The following CXXC5 variants were observed in gnomAD, a reference collection of about 807,000 sequenced individuals.
The protein encoded by CXXC5 is CXXC-type zinc finger protein 5.
CXXC5 carries 2 observed loss-of-function variants against 17.6 expected under a neutral mutation model. That is an observed-to-expected ratio of 0.11 (90% confidence interval 0.05 to 0.36). The LOEUF (loss-of-function observed/expected upper bound fraction) is 0.36, where lower values mean the gene tolerates loss of function less well. CXXC5 is among the 10% of genes least tolerant of loss of function. The pLI, the probability that CXXC5 is intolerant of heterozygous loss-of-function variation, is 1.00. For missense variants in CXXC5, 343 were observed against 458.3 expected, an observed-to-expected ratio of 0.75 and a Z score of 2.30; for synonymous variants, 171 against 193.0, an observed-to-expected ratio of 0.89 and a Z score of 0.94.
chr5:139,651,636 G>A (rs989464755), intron 1 of CXXC5, among the ~76,000 whole-genome samples: 4 of 152,120 alleles, frequency 2.6e-5, no homozygotes, highest in Non-Finnish European at 4.4e-5. Context: ...CTTCAGGACT[G>A]ACTGCACCTT....
At chr5:139,676,566 A>G (rs1228624801) in intron 1 of CXXC5, among the ~76,000 whole-genome samples, 2 of 55,856 alleles carry the variant, frequency 3.6e-5, no homozygotes, top group African/African-American at 1.6e-4. Context: ...TCCTCCCCAG[A>G]CTCCTCCCCA....
chr5:139,650,539 G>A (rs1755111341), intron 1 of CXXC5, among the ~76,000 whole-genome samples: 1 of 152,246 alleles, frequency 6.6e-6, no homozygotes, highest in African/African-American at 2.4e-5. Context: ...GGGCCGCCTG[G>A]CGGGGGCTGC....
At chr5:139,680,043 G>A (rs1249625244) in intron 1 of CXXC5, 4 of 168,306 alleles carry the variant, frequency 2.4e-5, no homozygotes, top group Admixed American at 1.7e-4. Flanking sequence ...CCCTAGCAGA[G>A]CAGATTTGGG....
intron 2 of CXXC5, among the ~76,000 whole-genome samples, chr5:139,682,659 A>G (rs553813471): frequency 1.3e-5 from 2 of 152,314 alleles, no homozygotes; most frequent in South Asian, 2.1e-4. Context: ...AGGAGGCCTC[A>G]GAGTCCTCGG....
At position 139,683,602 on chromosome 5, in the gene CXXC5, C is replaced by T. The variant is rs148097210; in HGVS notation, c.*695C>T. On this transcript the variant is annotated 3_prime_UTR_variant, in exon 3 of 3. Transcript: ENST00000302517. ...TGGAAAAAAAAATGAAAGTTCTGTT[C>T]GTTTATCCATTGCGATCTGGGGAGC... 6 of 152,416 alleles carry T rather than the reference C, an allele frequency of 3.9e-5. No homozygotes were observed. The highest frequency in any genetic ancestry group is 4.1e-4 in the South Asian group (2 of 4,836). The allele number at this position is 152,416 out of a possible 1,614,324, so 9.4% of individuals were successfully genotyped here. A position where few individuals can be genotyped will look rare whatever the true frequency, so the allele number is the denominator to read the frequency against.
chr5:139,650,969 G>C (rs537436602), intron 1 of CXXC5: 2 of 152,354 alleles, frequency 1.3e-5, no homozygotes, highest in East Asian at 3.9e-4. Context: ...TTGGGGAGGA[G>C]GGAGAGGGGG....
At position 139,663,541 on chromosome 5, in the gene CXXC5, AG is replaced by A. The variant is rs1294382498; in HGVS notation, c.-161+14698del. 6.6e-6 allele frequency among the ~76,000 whole-genome samples: 1 copy of A among 152,170 alleles called. No individual in the cohort carries two copies. Among genetic ancestry groups the A allele is most frequent in the African/African-American group, 2.4e-5 (1 of 41,416 alleles). On this transcript the variant is annotated intron_variant, in intron 1 of 2. Coordinates refer to ENST00000302517, the MANE Select transcript of CXXC5 (RefSeq NM_016463.9). The surrounding 1 kb of genome is among the most constrained non-coding windows in gnomAD (Gnocchi z 4.2). ...GGGTGCTACCCTCGTTGTAACCTTC[AG>A]GCTTCTACCACATGTCCATCCCCCC...
At position 139,680,504 on chromosome 5, in the gene CXXC5, G is replaced by T. The variant is rs1335133292; in HGVS notation, c.-20G>T. 6 of 1,542,480 alleles carry T rather than the reference G, an allele frequency of 3.9e-6. No individual in the cohort carries two copies. The highest frequency in any genetic ancestry group is 5.2e-6 in the Non-Finnish European group (6 of 1,146,220). On this transcript the variant is annotated 5_prime_UTR_variant, in exon 2 of 3. Coordinates refer to ENST00000302517, the MANE Select transcript of CXXC5 (RefSeq NM_016463.9). ...GTTGGCAGGCTCCCTCTGCAGTGGGGTCTGGGCCTCGGCCCCACCATGTCG... is the reference window on the plus strand; with the variant it reads ...GTTGGCAGGCTCCCTCTGCAGTGGGTTCTGGGCCTCGGCCCCACCATGTCG...
At chr5:139,673,715 G>A (rs1413532728) in intron 1 of CXXC5, among the ~76,000 whole-genome samples, 2 of 152,018 alleles carry the variant, frequency 1.3e-5, no homozygotes, top group East Asian at 3.9e-4. Flanking sequence ...GGTGGTGTGC[G>A]CCTGTAATCC....
chr5:139,682,458 CA>C (rs1757295033), intron 2 of CXXC5, among the ~76,000 whole-genome samples: 1 of 152,046 alleles, frequency 6.6e-6, no homozygotes, highest in Non-Finnish European at 1.5e-5. Flanking sequence ...AGAAATAGCT[CA>C]AATACCCACC....
At chr5:139,677,184 T>G (rs920991840) in intron 1 of CXXC5, among the ~76,000 whole-genome samples, 1 of 151,876 alleles carries the variant, frequency 6.6e-6, no homozygotes, top group African/African-American at 2.4e-5. Flanking sequence ...GCTGGATGTG[T>G]TCCTGGCAGG....
rs1317725425 is a variant in CXXC5 at position 139,680,882 on chromosome 5, ACCTGGCGGCGGC to A, written c.361_372del (p.Leu121_Ala124del). 4 of 1,607,226 alleles carry A rather than the reference ACCTGGCGGCGGC, an allele frequency of 2.5e-6. No homozygotes were observed. The highest frequency in any genetic ancestry group is 2.5e-6 in the Non-Finnish European group (3 of 1,179,988). ...GCCTCCCTGTTGGCCAATGGGCATG[ACCTGGCGGCGGC>A]CATGGCGGTGGACAAAAGCAACCCT... On this transcript the variant is annotated inframe_deletion, in exon 2 of 3. Coordinates refer to ENST00000302517, the MANE Select transcript of CXXC5 (RefSeq NM_016463.9).
In CXXC5 at chr5:139,658,130, C is replaced by G. The variant is rs922287436; in HGVS notation, c.-161+9285C>G. On this transcript the variant is annotated intron_variant, in intron 1 of 2. Coordinates refer to ENST00000302517, the MANE Select transcript of CXXC5 (RefSeq NM_016463.9). The surrounding 1 kb of genome is among the most constrained non-coding windows in gnomAD (Gnocchi z 4.1). Reference sequence around the variant, plus strand: ...CCCTCTCCTGCCTGACCCACCTCCCCCAGAACTAGATGGGAAATTAGTTAA... The same window carrying G: ...CCCTCTCCTGCCTGACCCACCTCCCGCAGAACTAGATGGGAAATTAGTTAA... 6.6e-6 allele frequency among the ~76,000 whole-genome samples: 1 copy of G among 151,976 alleles called. No individual in the cohort carries two copies. The highest frequency in any genetic ancestry group is 1.5e-5 in the Non-Finnish European group (1 of 67,998).
At chr5:139,677,560 G>C (rs926608447) in intron 1 of CXXC5, among the ~76,000 whole-genome samples, 1 of 152,200 alleles carries the variant, frequency 6.6e-6, no homozygotes, top group Non-Finnish European at 1.5e-5. Context: ...TGAAAACAGA[G>C]TTGTCCCTGT....
chr5:139,650,757 C>T (rs866708745), intron 1 of CXXC5, among the ~76,000 whole-genome samples: 6 of 152,178 alleles, frequency 3.9e-5, no homozygotes, highest in East Asian at 1.9e-4. Flanking sequence ...ACTAGAAAAC[C>T]GGGAACTGAG....
rs146896576 is a variant in CXXC5, at chr5:139,657,360, C to T, written c.-161+8515C>T. ...GCACACAGAAGGGACTCCTTAAATG[C>T]TTGCTGGGCACAGGCCTTGCTCTTT... On this transcript the variant is annotated intron_variant, in intron 1 of 2. Coordinates refer to ENST00000302517, the MANE Select transcript of CXXC5 (RefSeq NM_016463.9). 2.3e-3 allele frequency among the ~76,000 whole-genome samples: 353 copies of T among 152,370 alleles called. 2 individuals carry two copies. Among genetic ancestry groups the T allele is most frequent in the African/African-American group, 7.8e-3 (324 of 41,588 alleles).
intron 1 of CXXC5, among the ~76,000 whole-genome samples, chr5:139,656,481 C>T (rs1158485654): frequency 3.3e-5 from 5 of 152,220 alleles, no homozygotes; most frequent in Non-Finnish European, 7.3e-5. Flanking sequence ...ACACCCTCAC[C>T]CATGAAAACA....
chr5:139,663,840 C>A lies in CXXC5; in HGVS notation c.-161+14995C>A, dbSNP rs372797927. Reference sequence around the variant, plus strand: ...CACATAGGTCCTCTCCAGGACCTGACGAGGTGGGGGCTGTCAGCGGCTGCA... The same window carrying A: ...CACATAGGTCCTCTCCAGGACCTGAAGAGGTGGGGGCTGTCAGCGGCTGCA... On this transcript the variant is annotated intron_variant, in intron 1 of 2. Transcript: ENST00000302517. This position sits in a 1 kb window ranked among gnomAD's most constrained non-coding sequence, Gnocchi z 4.2. Among the ~76,000 whole-genome samples, 5 of 152,306 alleles carry A rather than the reference C, an allele frequency of 3.3e-5. No individual in the cohort carries two copies. The highest frequency in any genetic ancestry group is 3.9e-4 in the East Asian group (2 of 5,194).
At chr5:139,657,748 G>A (rs1755565208) in intron 1 of CXXC5, among the ~76,000 whole-genome samples, 1 of 152,218 alleles carries the variant, frequency 6.6e-6, no homozygotes, top group African/African-American at 2.4e-5. Flanking sequence ...CGGCTGGCCT[G>A]GGCTGGGACT....
Sources: allele counts gnomAD v4.1 joint callset (sites outside exome capture counted in the v4.1 genomes callset), GRCh38; gene constraint gnomAD v4.1.1; non-coding constraint Gnocchi (gnomAD v3.1); transcripts MANE v1.5; gene names NCBI Gene and HGNC (gene_info 2026-07-23, HGNC 2026-07-21).